The following SERINC1 variants were observed in gnomAD, a reference collection of about 807,000 sequenced individuals.
SERINC1 encodes serine incorporator 1.
SERINC1 carries 38 observed loss-of-function variants against 52.9 expected under a neutral mutation model. The observed-to-expected ratio is 0.72, with a 90% CI of 0.55 to 0.94. The LOEUF is 0.94. Among genes scored for constraint, SERINC1 ranks in the 40% least tolerant of loss-of-function variants. SERINC1 has a pLI of 0.00. For synonymous variants in SERINC1, 198 were observed against 183.1 expected (o/e 1.08, Z -0.66); for missense variants, 471 against 533.9 (o/e 0.88, Z 1.16).
Position 122,471,807 on chromosome 6 carries a change from T to C in SERINC1, c.-70A>G, listed in dbSNP as rs1009768966. The C allele has an allele frequency of 8.1e-6, 13 of 1,611,568 alleles. No homozygotes were observed. The highest frequency in any genetic ancestry group is 5.1e-5 in the Admixed American group (3 of 59,238). ...AGCTTCTTTCTCGCCTTTCCGAGAT[T>C]ATTTACTATCTGCGAGACACTTCCG... On this transcript the variant is annotated 5_prime_UTR_variant, in exon 1 of 10. Coordinates refer to ENST00000339697, the MANE Select transcript of SERINC1 (RefSeq NM_020755.4).
At chr6:122,455,877 T>A (rs1210803053) in intron 3 of SERINC1, among the ~76,000 whole-genome samples, 2 of 152,054 alleles carry the variant, frequency 1.3e-5, no homozygotes, top group Non-Finnish European at 2.9e-5. Flanking sequence ...CTCTAATAAT[T>A]TAATAAAATA....
chr6:122,445,608 C>CT, intron 9 of SERINC1, among the ~76,000 whole-genome samples: 1 of 139,788 alleles, frequency 7.2e-6, no homozygotes, highest in South Asian at 2.6e-4. Context: ...TGGTATGACT[C>CT]AGAGATATCT....
chr6:122,461,882 T>A (rs1032477065), intron 1 of SERINC1, among the ~76,000 whole-genome samples: 11 of 152,026 alleles, frequency 7.2e-5, no homozygotes, highest in East Asian at 5.8e-4. Context: ...TTTAAAAAAA[T>A]GGGCCAGAAT....
At chr6:122,455,358 C>T (rs1325341218) in intron 3 of SERINC1, among the ~76,000 whole-genome samples, 2 of 151,602 alleles carry the variant, frequency 1.3e-5, no homozygotes, top group Non-Finnish European at 2.9e-5. Flanking sequence ...GGGTGGGCAC[C>T]ATCTAATCAG....
chr6:122,454,048 A>AC (rs763450259), intron 4 of SERINC1, 103 bp downstream of exon 4: 30 of 1,007,374 alleles, frequency 3.0e-5, no homozygotes, highest in South Asian at 5.1e-5. Context: ...ACACACACAC[A>AC]CACCCCCAAA....
In SERINC1 at chr6:122,454,211, C is replaced by A; in HGVS notation, c.391G>T (p.Ala131Ser). ...VHNGFWFFKF[A>S]AAIAIIIGAF... Reference sequence around the variant, plus strand: ...CCAATAATAATTGCAATTGCTGCAGCAAATTTAAAGAACCAAAATCTAAAA... The same window carrying A: ...CCAATAATAATTGCAATTGCTGCAGAAAATTTAAAGAACCAAAATCTAAAA... The change falls in exon 4 of 10, where the codon GCT becomes TCT. Residue 131 changes from alanine to serine, a missense_variant. Transcript: ENST00000339697. 1 of 1,580,616 alleles carries A rather than the reference C, an allele frequency of 6.3e-7. No individual in the cohort carries two copies. Among genetic ancestry groups the A allele is most frequent in the African/African-American group, 1.4e-5 (1 of 73,832 alleles).
chr6:122,451,879 AG>A lies in SERINC1; in HGVS notation c.759+8del, dbSNP rs768932860. 5.3e-6 allele frequency: 8 copies of A among 1,498,678 alleles called. No individual in the cohort carries two copies. The Admixed American group carries it at 1.9e-4, about 36-fold the overall frequency. The allele number at this position is 1,498,678 out of a possible 1,614,324, so 92.8% of individuals were successfully genotyped here. On this transcript the variant is annotated splice_region_variant and intron_variant, in intron 6 of 9. Coordinates refer to ENST00000339697, the MANE Select transcript of SERINC1 (RefSeq NM_020755.4). ...AGCTTCATAAAAACTAATGCTTTAAAGGGCATACTTGGATTTTTGGCAGTAT... is the reference window on the plus strand; with the variant it reads ...AGCTTCATAAAAACTAATGCTTTAAAGGCATACTTGGATTTTTGGCAGTAT...
At chr6:122,468,444 CTG>C (rs1775222414) in intron 1 of SERINC1, among the ~76,000 whole-genome samples, 1 of 152,186 alleles carries the variant, frequency 6.6e-6, no homozygotes, top group Non-Finnish European at 1.5e-5. Flanking sequence ...GGGAGCAAAA[CTG>C]TGTCCAGTTG....
chr6:122,455,274 G>T (rs953001052), intron 3 of SERINC1, among the ~76,000 whole-genome samples: 4 of 152,092 alleles, frequency 2.6e-5, no homozygotes, highest in Non-Finnish European at 5.9e-5. Flanking sequence ...TGCTGGGTGT[G>T]TCTGTGAGGG....
At chr6:122,448,345 C>A (rs544025235) in intron 7 of SERINC1, among the ~76,000 whole-genome samples, 1 of 151,736 alleles carries the variant, frequency 6.6e-6, no homozygotes, top group Non-Finnish European at 1.5e-5. Flanking sequence ...AACAAAAAAA[C>A]AAAAAATAAA....
chr6:122,462,017 A>C lies in SERINC1; in HGVS notation c.40-3336T>G, dbSNP rs75631235. On this transcript the variant is annotated intron_variant, in intron 1 of 9. Coordinates refer to ENST00000339697, the MANE Select transcript of SERINC1 (RefSeq NM_020755.4). ...AACAGCAATATGAAAGTATATAAAA[A>C]GGATAATATATTGCCACCAGGTAGA... Among the ~76,000 whole-genome samples, 398 of 152,330 alleles carry C rather than the reference A, an allele frequency of 2.6e-3. 4 individuals are homozygous for C. The highest frequency in any genetic ancestry group is 9.0e-3 in the African/African-American group (376 of 41,580).
At position 122,458,659 on chromosome 6, in the gene SERINC1, G is replaced by A. The variant is rs776714237; in HGVS notation, c.62C>T (p.Ala21Val). ...ACAGCATCGGCATAGCAAACACGGG[G>A]CACTTCCACACAAACATGGTATCTG... ...ASWIPCLCGS[A>V]PCLLCRCCPS... Residue 21 changes from alanine to valine, a missense_variant, in exon 2 of 10, where the codon GCC (alanine) becomes GTC (valine). By Grantham distance (64) the Ala-to-Val change is moderately conservative. Coordinates refer to ENST00000339697, the MANE Select transcript of SERINC1 (RefSeq NM_020755.4). 2 of 1,602,320 alleles carry A rather than the reference G, an allele frequency of 1.2e-6. No individual in the cohort carries two copies. Among genetic ancestry groups the A allele is most frequent in the Non-Finnish European group, 1.7e-6 (2 of 1,173,172 alleles).
intron 9 of SERINC1, 60 bp from the exon 10 acceptor site, chr6:122,445,239 G>C: frequency 6.6e-7 from 1 of 1,517,890 alleles, no homozygotes; most frequent in Non-Finnish European, 9.0e-7. Flanking sequence ...CAGCCACCAA[G>C]CTATGAAGCT....
At chr6:122,448,404 A>T (rs1774844714) in intron 7 of SERINC1, among the ~76,000 whole-genome samples, 1 of 152,232 alleles carries the variant, frequency 6.6e-6, no homozygotes, top group Admixed American at 6.5e-5. Context: ...TACAGTTTGT[A>T]AACTCAATGA....
intron 6 of SERINC1, 22 bp from the exon 7 acceptor site, chr6:122,451,776 A>AAAAATATATATAT: frequency 4.4e-5 from 5 of 113,068 alleles, no homozygotes; most frequent in African/African-American, 2.2e-4. Context: ...AAAAAAAAAA[A>AAAAATATATATAT]ATATATATAT....
intron 3 of SERINC1, 61 bp downstream of exon 3, chr6:122,456,420 C>T (rs1774995761): frequency 2.9e-6 from 3 of 1,036,586 alleles, no homozygotes; most frequent in Non-Finnish European, 4.0e-6. Flanking sequence ...CTTGGATAAA[C>T]TGGCAATTAT....
chr6:122,462,083 T>A (rs1046099667), intron 1 of SERINC1, among the ~76,000 whole-genome samples: 2 of 152,034 alleles, frequency 1.3e-5, no homozygotes, highest in African/African-American at 4.8e-5. Context: ...CTTTTAAAAA[T>A]CAACCAATGA....
intron 1 of SERINC1, among the ~76,000 whole-genome samples, chr6:122,462,546 TAGGAGTTCA>T (rs1017067794): frequency 2.0e-5 from 3 of 152,044 alleles, no homozygotes; most frequent in Non-Finnish European, 4.4e-5. Flanking sequence ...CATTTGAGCC[TAGGAGTTCA>T]AGGAGTTCAA....
Position 122,447,197 on chromosome 6 carries a change from C to T in SERINC1, c.919G>A (p.Gly307Arg). Residue 307 changes from glycine to arginine, a missense_variant, in exon 8 of 10, where the codon GGG (glycine) becomes AGG (arginine). Gly to Arg is a moderately radical substitution (Grantham distance 125, BLOSUM62 -2). Transcript: ENST00000339697. The stretch of plus-strand genomic sequence containing the variant: ...GCATGCCACCACTGGACTGACTGCC[C>T]TTCCTTTGGGACAGTGCTTGTTGTA... ...YNTTSTVPKE[G>R]QSVQWWHAQG... The T allele has an allele frequency of 6.2e-7, 1 of 1,612,796 alleles. No individual in the cohort carries two copies. Among genetic ancestry groups the T allele is most frequent in the Non-Finnish European group, 8.5e-7 (1 of 1,178,810 alleles).
Sources: allele counts gnomAD v4.1 joint callset (sites outside exome capture counted in the v4.1 genomes callset), GRCh38; gene constraint gnomAD v4.1.1; transcripts MANE v1.5; gene names NCBI Gene and HGNC (gene_info 2026-07-23, HGNC 2026-07-21).